The following CLSTN2 variants were observed in gnomAD, a reference collection of about 807,000 sequenced individuals.
CLSTN2 encodes calsyntenin-2.
CLSTN2 carries 48 observed loss-of-function variants against 101.2 expected under a neutral mutation model. That is an observed-to-expected ratio of 0.47 (90% CI 0.38 to 0.60). CLSTN2 has a LOEUF of 0.60. Ranked by LOEUF, CLSTN2 falls within the 20% of genes least tolerant of loss-of-function variation. The pLI, the probability that CLSTN2 is intolerant of heterozygous loss-of-function variation, is 0.00. For missense variants in CLSTN2, 1,160 were observed against 1,238.2 expected, an observed-to-expected ratio of 0.94 and a Z score of 0.95; for synonymous variants, 481 against 463.6, an observed-to-expected ratio of 1.04 and a Z score of -0.48.
intron 1 of CLSTN2, among the ~76,000 whole-genome samples, chr3:139,994,202 G>A (rs1281646007): frequency 6.6e-6 from 1 of 152,200 alleles, no homozygotes; most frequent in Non-Finnish European, 1.5e-5. Flanking sequence ...ACCAGTTCAG[G>A]TCTTGGGTTT....
intron 1 of CLSTN2, among the ~76,000 whole-genome samples, chr3:140,046,167 T>C (rs1385088658): frequency 6.6e-6 from 1 of 152,222 alleles, no homozygotes; most frequent in Non-Finnish European, 1.5e-5. Flanking sequence ...TGTAGGTCTC[T>C]AAGGACTTGC....
At chr3:140,003,594 C>A (rs1372317276) in intron 1 of CLSTN2, among the ~76,000 whole-genome samples, 1 of 152,084 alleles carries the variant, frequency 6.6e-6, no homozygotes, top group East Asian at 1.9e-4. Context: ...AAGTGGGCAT[C>A]CTTGTCATGT....
At chr3:140,302,932 G>C (rs564234953) in intron 2 of CLSTN2, among the ~76,000 whole-genome samples, 1 of 152,260 alleles carries the variant, frequency 6.6e-6, no homozygotes, top group African/African-American at 2.4e-5. Context: ...CCGGAGATGG[G>C]GCAGGACTGT....
At chr3:140,333,022 G>T (rs1407830683) in intron 2 of CLSTN2, among the ~76,000 whole-genome samples, 2 of 152,156 alleles carry the variant, frequency 1.3e-5, no homozygotes, top group Non-Finnish European at 2.9e-5. Flanking sequence ...CTGCACTGGG[G>T]TGTTAAGGCC....
intron 2 of CLSTN2, among the ~76,000 whole-genome samples, chr3:140,231,002 G>A (rs554128080): frequency 8.5e-5 from 13 of 152,270 alleles, no homozygotes; most frequent in Admixed American, 2.6e-4. Flanking sequence ...CTCAAACTTG[G>A]TTTTTAAGCA....
At chr3:140,322,040 G>T (rs1355383405) in intron 2 of CLSTN2, among the ~76,000 whole-genome samples, 1 of 152,214 alleles carries the variant, frequency 6.6e-6, no homozygotes, top group Non-Finnish European at 1.5e-5. Flanking sequence ...TCAGACCTCA[G>T]GGCCCCAGGG....
intron 1 of CLSTN2, among the ~76,000 whole-genome samples, chr3:140,157,013 C>G (rs755078658): frequency 3.0e-4 from 46 of 152,136 alleles, no homozygotes; most frequent in Non-Finnish European, 1.5e-4. Flanking sequence ...TGAGCCAGGA[C>G]ACAGGGGAGG....
intron 2 of CLSTN2, among the ~76,000 whole-genome samples, chr3:140,211,398 T>TCACACACACACACACACACACACACACA (rs59994883): frequency 8.8e-5 from 10 of 113,406 alleles, no homozygotes; most frequent in Non-Finnish European, 1.2e-4. Context: ...GCTTGGTAAT[T>TCACACACACACACACACACACACACACA]CACACACACA....
intron 2 of CLSTN2, among the ~76,000 whole-genome samples, chr3:140,381,136 A>T (rs927237349): frequency 1.3e-5 from 2 of 152,208 alleles, no homozygotes; most frequent in African/African-American, 4.8e-5. Context: ...GATTGGAAGC[A>T]GTCTTTGGCT....
chr3:140,558,577 G>A, intron 11 of CLSTN2, 63 bp from the exon 12 acceptor site: 1 of 1,409,162 alleles, frequency 7.1e-7, no homozygotes, highest in South Asian at 1.2e-5. Context: ...CCTTGTTCCT[G>A]GCTGTATGAC....
At chr3:140,336,590 A>G (rs1035091019) in intron 2 of CLSTN2, among the ~76,000 whole-genome samples, 1 of 151,830 alleles carries the variant, frequency 6.6e-6, no homozygotes, top group Admixed American at 6.6e-5. Flanking sequence ...TGTCATAGAG[A>G]CCCCACCTAG....
intron 1 of CLSTN2, among the ~76,000 whole-genome samples, chr3:140,045,196 C>A (rs1016545412): frequency 1.2e-4 from 19 of 152,136 alleles, no homozygotes; most frequent in African/African-American, 3.6e-4. Context: ...TAGTTATTGC[C>A]TCAGTTTCAG....
At chr3:140,203,931 C>G (rs1169407451) in intron 2 of CLSTN2, among the ~76,000 whole-genome samples, 1 of 152,190 alleles carries the variant, frequency 6.6e-6, no homozygotes, top group East Asian at 1.9e-4. Flanking sequence ...AGAAATGTGT[C>G]TCTCCAGGGT....
intron 1 of CLSTN2, among the ~76,000 whole-genome samples, chr3:140,119,700 G>A (rs956309849): frequency 2.0e-5 from 3 of 152,122 alleles, no homozygotes; most frequent in African/African-American, 7.2e-5. Flanking sequence ...GTGGAGACAG[G>A]GTTTTGCCAT....
chr3:140,002,637 G>A (rs2006866670), intron 1 of CLSTN2, among the ~76,000 whole-genome samples: 1 of 152,160 alleles, frequency 6.6e-6, no homozygotes, highest in Non-Finnish European at 1.5e-5. Flanking sequence ...TTTTTGCTCA[G>A]ACCAAAGTCC....
At chr3:140,351,014 G>A (rs144634694) in intron 2 of CLSTN2, among the ~76,000 whole-genome samples, 13 of 152,240 alleles carry the variant, frequency 8.5e-5, no homozygotes, top group Non-Finnish European at 1.6e-4. Context: ...TTAGTGCTGA[G>A]GAAAAGGTAC....
At chr3:140,435,844 G>A (rs2088680876) in intron 5 of CLSTN2, among the ~76,000 whole-genome samples, 1 of 152,126 alleles carries the variant, frequency 6.6e-6, no homozygotes, top group Non-Finnish European at 1.5e-5. Flanking sequence ...CTTTTCATAT[G>A]CCTGTTTCCC....
At chr3:140,109,343 C>A (rs566245314) in intron 1 of CLSTN2, among the ~76,000 whole-genome samples, 1 of 152,158 alleles carries the variant, frequency 6.6e-6, no homozygotes, top group African/African-American at 2.4e-5. Flanking sequence ...AGGCTGCTCA[C>A]AGTGTCTCTG....
intron 2 of CLSTN2, among the ~76,000 whole-genome samples, chr3:140,207,301 C>T (rs930157268): frequency 5.9e-5 from 9 of 152,326 alleles, no homozygotes; most frequent in East Asian, 1.9e-4. Context: ...AACTTCACCT[C>T]TCTAAATGCC....
Sources: gnomAD v4.1 joint callset for allele counts (sites outside exome capture counted in the v4.1 genomes callset) on GRCh38, gnomAD v4.1.1 for gene constraint, MANE v1.5 for transcripts, NCBI Gene and HGNC (gene_info 2026-07-23, HGNC 2026-07-21) for gene names.